TDRD7: variants seen among roughly 807,000 people sequenced by gnomAD.
TDRD7 encodes tudor domain containing 7.
In TDRD7, 47 loss-of-function variants were observed where a neutral mutation model predicts 109.8. The observed-to-expected ratio is 0.43, with a 90% CI of 0.34 to 0.55. The LOEUF (loss-of-function observed/expected upper bound fraction) is 0.55. Among genes scored for constraint, TDRD7 ranks in the 20% least tolerant of loss-of-function variants. The pLI is 0.03. For synonymous variants in TDRD7, 424 were observed against 457.3 expected, an observed-to-expected ratio of 0.93 and a Z score of 0.93; for missense variants, 1,164 against 1,319.2, an observed-to-expected ratio of 0.88 and a Z score of 1.82.
chr9:97,424,957 A>T (rs1381314457), intron 1 of TDRD7, among the ~76,000 whole-genome samples: 2 of 151,878 alleles, frequency 1.3e-5, no homozygotes, highest in Non-Finnish European at 2.9e-5. Context: ...TTTTTAAAAA[A>T]TTTTAGTGGT....
intron 6 of TDRD7, among the ~76,000 whole-genome samples, chr9:97,452,565 G>A (rs12554739): frequency 0.53 from 81,273 of 151,942 alleles, 21,932 homozygotes; most frequent in African/African-American, 0.6. Flanking sequence ...TAAACAATAA[G>A]AATAATATAA....
In TDRD7 at chr9:97,495,823, C is replaced by G. The variant is rs150055318; in HGVS notation, c.3237C>G (p.Thr1079=). 8 of 1,613,970 alleles carry G rather than the reference C, an allele frequency of 5.0e-6. No homozygotes were observed. The East Asian group carries it at 1.6e-4, about 31-fold the overall frequency. The change falls in exon 17 of 17, where the codon ACC becomes ACG. Residue 1079 remains threonine, a synonymous_variant. Transcript: ENST00000355295. ...VYLVDTSLPD[T]DTWIHDFMSE... ...TAGTGGACACATCGTTGCCAGACAC[C>G]GATACCTGGATTCATGATTTTATGT...
chr9:97,479,355 A>G (rs1477351962), intron 13 of TDRD7, among the ~76,000 whole-genome samples: 2 of 152,162 alleles, frequency 1.3e-5, no homozygotes, highest in Non-Finnish European at 2.9e-5. Flanking sequence ...TTGTTCAGCC[A>G]TAATTCTGGA....
intron 1 of TDRD7, among the ~76,000 whole-genome samples, chr9:97,417,332 G>T (rs1261284873): frequency 6.6e-6 from 1 of 152,092 alleles, no homozygotes; most frequent in Non-Finnish European, 1.5e-5. Context: ...AGCATTAGAG[G>T]GTTTTGAGTG....
intron 1 of TDRD7, among the ~76,000 whole-genome samples, chr9:97,420,180 C>T (rs1827875648): frequency 6.6e-6 from 1 of 151,928 alleles, no homozygotes; most frequent in Non-Finnish European, 1.5e-5. Flanking sequence ...CAGTGGAATA[C>T]TACTCATCAA....
At chr9:97,448,156 C>T (rs1453209282) in intron 6 of TDRD7, among the ~76,000 whole-genome samples, 1 of 152,156 alleles carries the variant, frequency 6.6e-6, no homozygotes, top group Non-Finnish European at 1.5e-5. Flanking sequence ...GCTACAAAAC[C>T]TTAACTTTCT....
intron 6 of TDRD7, among the ~76,000 whole-genome samples, chr9:97,448,302 G>A (rs941786306): frequency 6.6e-6 from 1 of 152,226 alleles, no homozygotes; most frequent in Non-Finnish European, 1.5e-5. Flanking sequence ...TTTAGCTCCT[G>A]CATACAGGGT....
chr9:97,419,221 CTGA>C (rs1225774417), intron 1 of TDRD7, among the ~76,000 whole-genome samples: 1 of 152,060 alleles, frequency 6.6e-6, no homozygotes, highest in South Asian at 2.1e-4. Flanking sequence ...TCTAGATGAA[CTGA>C]TGGGAGGGAT....
At chr9:97,453,566 A>C (rs536970795) in intron 6 of TDRD7, among the ~76,000 whole-genome samples, 1 of 152,252 alleles carries the variant, frequency 6.6e-6, no homozygotes, top group Admixed American at 6.5e-5. Context: ...CCTGAGAGCC[A>C]CATGGGGAAG....
chr9:97,426,907 A>G (rs1466670151), intron 1 of TDRD7, among the ~76,000 whole-genome samples: 1 of 152,226 alleles, frequency 6.6e-6, no homozygotes, highest in Non-Finnish European at 1.5e-5. Context: ...TTTCTAAGCC[A>G]GAGAAAGAAA....
chr9:97,421,239 A>G (rs908602771), intron 1 of TDRD7, among the ~76,000 whole-genome samples: 33 of 152,272 alleles, frequency 2.2e-4, no homozygotes, highest in African/African-American at 7.9e-4. Context: ...TCTCATCAGC[A>G]CTTCGTATTG....
intron 6 of TDRD7, among the ~76,000 whole-genome samples, chr9:97,447,122 A>G (rs906321663): frequency 2.0e-5 from 3 of 152,216 alleles, no homozygotes; most frequent in Non-Finnish European, 4.4e-5. Flanking sequence ...TAGAAAAAAG[A>G]TAAAATAGCA....
At chr9:97,471,235 T>G (rs1188487790) in intron 9 of TDRD7, among the ~76,000 whole-genome samples, 2 of 152,160 alleles carry the variant, frequency 1.3e-5, no homozygotes, top group Non-Finnish European at 2.9e-5. Flanking sequence ...GACACATTGG[T>G]CATGTCCGTG....
intron 16 of TDRD7, among the ~76,000 whole-genome samples, chr9:97,488,161 G>A (rs1829243492): frequency 6.6e-6 from 1 of 152,188 alleles, no homozygotes; most frequent in Admixed American, 6.5e-5. Context: ...CTACCATTAT[G>A]TAGCATGAAC....
intron 16 of TDRD7, among the ~76,000 whole-genome samples, chr9:97,492,180 C>T (rs764250435): frequency 2.6e-5 from 4 of 152,132 alleles, no homozygotes; most frequent in Non-Finnish European, 5.9e-5. Flanking sequence ...TCTGTTTGTT[C>T]AGCTTTTTGT....
intron 8 of TDRD7, among the ~76,000 whole-genome samples, chr9:97,467,847 T>C (rs1828844585): frequency 6.6e-6 from 1 of 152,094 alleles, no homozygotes; most frequent in Admixed American, 6.6e-5. Context: ...CCTGGATTAG[T>C]GAAGATGGAG....
At chr9:97,454,397 C>T (rs1426159996) in intron 6 of TDRD7, among the ~76,000 whole-genome samples, 1 of 152,088 alleles carries the variant, frequency 6.6e-6, no homozygotes. Context: ...GGAAAAATGG[C>T]GTGCACCAGG....
intron 15 of TDRD7, among the ~76,000 whole-genome samples, chr9:97,486,274 T>C (rs1829210309): frequency 6.6e-6 from 1 of 152,226 alleles, no homozygotes; most frequent in African/African-American, 2.4e-5. Context: ...CTTTCCTTCA[T>C]GTAGTAATAC....
In TDRD7 at chr9:97,495,665, G is replaced by C. The variant is rs376898705; in HGVS notation, c.3079G>C (p.Val1027Leu). The change falls in exon 17 of 17, where the codon GTG becomes CTG. Residue 1027 changes from valine (V) to leucine (L), a missense_variant and splice_region_variant. This residue lies in a region of TDRD7 where 162 missense variants were observed against 222.5 expected (regional missense o/e 0.73). Coordinates refer to ENST00000355295, the MANE Select transcript of TDRD7 (RefSeq NM_014290.3). ...FQAVTAQLAG[V>L]KCNQWSEEAS... ...TCTTCTTCCTCTCTTCCTCCTAGGA[G>C]TGAAGTGCAACCAGTGGTCTGAGGA... 1 of 1,613,928 alleles carries C rather than the reference G, an allele frequency of 6.2e-7. No homozygotes were observed. Among genetic ancestry groups the C allele is most frequent in the Non-Finnish European group, 8.5e-7 (1 of 1,179,968 alleles).
Sources: allele counts gnomAD v4.1 joint callset (sites outside exome capture counted in the v4.1 genomes callset), GRCh38; gene constraint gnomAD v4.1.1; regional missense constraint gnomAD v4.1.1; transcripts MANE v1.5; gene names NCBI Gene and HGNC (gene_info 2026-07-23, HGNC 2026-07-21).